Variants in MYT1L observed in about 807,000 individuals in gnomAD.
MYT1L encodes the protein myelin transcription factor 1 like.
Under a neutral mutation model 126.7 loss-of-function variants are expected in MYT1L, and 12 were observed. The ratio of observed to expected loss-of-function variants is 0.09; its 90% CI spans 0.06 to 0.15. The LOEUF is 0.15. Among genes scored for constraint, MYT1L ranks in the 10% least tolerant of loss-of-function variants. The pLI, the probability that MYT1L is intolerant of heterozygous loss-of-function variation, is 1.00. For missense variants in MYT1L, 979 were observed against 1,585.2 expected (o/e 0.62, Z 6.49); for synonymous variants, 541 against 604.2 (o/e 0.90, Z 1.53).
intron 23 of MYT1L, 33 bp from the exon 24 acceptor site, chr2:1,792,497 C>T (rs755797259): frequency 6.2e-7 from 1 of 1,601,398 alleles, no homozygotes; most frequent in Admixed American, 1.7e-5. Context: ...ACATGTAACA[C>T]CAGGAGGACC....
At chr2:2,298,079 T>G (rs1215402567) in intron 1 of MYT1L, among the ~76,000 whole-genome samples, 3 of 152,242 alleles carry the variant, frequency 2.0e-5, no homozygotes, top group African/African-American at 7.2e-5. Flanking sequence ...AAAGCTATGC[T>G]GTGAGGACCA....
At chr2:2,028,147 C>T (rs1182053000) in intron 4 of MYT1L, among the ~76,000 whole-genome samples, 1 of 152,274 alleles carries the variant, frequency 6.6e-6, no homozygotes, top group African/African-American at 2.4e-5. Context: ...AGAGCAGATG[C>T]TGGAAGAATG....
rs200970595 is a variant in MYT1L, at chr2:2,295,689, G to C, written c.-520-11186C>G. Among the ~76,000 whole-genome samples the C allele has an allele frequency of 4.6e-3, 315 of 68,760 alleles. 8 individuals carry two copies. Among genetic ancestry groups the C allele is most frequent in the South Asian group, 0.016 (23 of 1,456 alleles). The allele number at this position is 68,760 out of a possible 152,430, so 45.1% of individuals were successfully genotyped here. ...AGAGAGAGAGAGAGAGACAGACAGAGAGAGAGAGAGAGAGACAGACAGACA... is the reference window on the plus strand; with the variant it reads ...AGAGAGAGAGAGAGAGACAGACAGACAGAGAGAGAGAGAGACAGACAGACA... On this transcript the variant is annotated intron_variant, in intron 1 of 24. Coordinates refer to ENST00000647738, the MANE Select transcript of MYT1L (RefSeq NM_001303052.2).
In MYT1L at chr2:1,793,282, C is replaced by G. The variant is rs1335394896; in HGVS notation, c.3277-818G>C. ...AGGTCAAGGGGCTTGAGTTCAGGGC[C>G]TCTGCCTATAACCGCACAGGACTAG... On this transcript the variant is annotated intron_variant, in intron 23 of 24. Transcript: ENST00000647738. The surrounding 1 kb of genome is among the most constrained non-coding windows in gnomAD (Gnocchi z 4.6). 6.6e-6 allele frequency among the ~76,000 whole-genome samples: 1 copy of G among 152,222 alleles called. No individual in the cohort carries two copies.
At chr2:1,927,780 C>G (rs1405142047) in intron 9 of MYT1L, among the ~76,000 whole-genome samples, 1 of 152,174 alleles carries the variant, frequency 6.6e-6, no homozygotes, top group Non-Finnish European at 1.5e-5. Flanking sequence ...CCACTGCTTT[C>G]TATGGCTTTA....
intron 1 of MYT1L, among the ~76,000 whole-genome samples, chr2:2,297,201 T>C (rs910687511): frequency 6.6e-6 from 1 of 152,228 alleles, no homozygotes; most frequent in African/African-American, 2.4e-5. Context: ...GCTCTGAGTC[T>C]CTGCTTCCAA....
At chr2:2,114,011 A>C (rs1456478955) in intron 3 of MYT1L, among the ~76,000 whole-genome samples, 1 of 152,102 alleles carries the variant, frequency 6.6e-6, no homozygotes, top group Non-Finnish European at 1.5e-5. Flanking sequence ...TAGTTATGAA[A>C]ACATTACTGC....
chr2:2,217,120 T>G (rs1053583686), intron 2 of MYT1L, among the ~76,000 whole-genome samples: 1 of 152,208 alleles, frequency 6.6e-6, no homozygotes, highest in African/African-American at 2.4e-5. Context: ...ATACAAATTC[T>G]TTCAGAAAAT....
intron 5 of MYT1L, among the ~76,000 whole-genome samples, chr2:1,993,651 A>G (rs2061607244): frequency 6.6e-6 from 1 of 152,258 alleles, no homozygotes; most frequent in Admixed American, 6.5e-5. Context: ...AATAATTTAC[A>G]AAAATGATTA....
chr2:2,230,278 G>A (rs533415306), intron 2 of MYT1L, among the ~76,000 whole-genome samples: 5 of 152,318 alleles, frequency 3.3e-5, no homozygotes, highest in South Asian at 2.1e-4. Flanking sequence ...CAAAGTGCTC[G>A]GTGAACTCAT....
intron 5 of MYT1L, among the ~76,000 whole-genome samples, chr2:1,986,955 C>T (rs1439927412): frequency 6.6e-6 from 1 of 152,198 alleles, no homozygotes; most frequent in African/African-American, 2.4e-5. Flanking sequence ...TCAGAGGAAA[C>T]ATCAAGTCAG....
chr2:1,987,319 GT>G (rs1035573294), intron 5 of MYT1L, among the ~76,000 whole-genome samples: 2,561 of 143,526 alleles, frequency 0.018, 68 homozygotes, highest in African/African-American at 0.059. Flanking sequence ...TGTTTTTTTT[GT>G]TTTTTTTTTT....
At chr2:2,220,029 G>A (rs781262919) in intron 2 of MYT1L, among the ~76,000 whole-genome samples, 16 of 152,164 alleles carry the variant, frequency 1.1e-4, no homozygotes, top group South Asian at 2.1e-4. Context: ...GGGGAAAAGC[G>A]CATTTGCACA....
chr2:1,863,589 T>G (rs2045012267), intron 18 of MYT1L, among the ~76,000 whole-genome samples: 1 of 151,878 alleles, frequency 6.6e-6, no homozygotes, highest in Non-Finnish European at 1.5e-5. Context: ...AAACGGCATG[T>G]CCCACTCCAG....
At chr2:2,225,311 C>T (rs972834221) in intron 2 of MYT1L, among the ~76,000 whole-genome samples, 2 of 152,142 alleles carry the variant, frequency 1.3e-5, no homozygotes, top group Non-Finnish European at 2.9e-5. Context: ...GTTGGCCTCC[C>T]GCTGTCCCCT....
intron 3 of MYT1L, among the ~76,000 whole-genome samples, chr2:2,137,244 C>T (rs567013611): frequency 6.6e-6 from 1 of 152,104 alleles, no homozygotes; most frequent in Non-Finnish European, 1.5e-5. Context: ...GAATCAATAT[C>T]GTGAAAATGG....
chr2:2,131,526 T>C (rs2082346978), intron 3 of MYT1L, among the ~76,000 whole-genome samples: 1 of 152,196 alleles, frequency 6.6e-6, no homozygotes, highest in Non-Finnish European at 1.5e-5. Context: ...TGCCCACCAT[T>C]AGCCTTTGGA....
intron 3 of MYT1L, among the ~76,000 whole-genome samples, chr2:2,073,811 T>A (rs1320004206): frequency 6.6e-6 from 1 of 152,158 alleles, no homozygotes; most frequent in East Asian, 1.9e-4. Context: ...TCTTCAACAC[T>A]TAGCTTAGGT....
chr2:2,302,077 T>C (rs747427690), intron 1 of MYT1L, among the ~76,000 whole-genome samples: 2 of 152,182 alleles, frequency 1.3e-5, no homozygotes, highest in Non-Finnish European at 2.9e-5. Flanking sequence ...TGGGCTAATA[T>C]TGCCATGATC....
Sources: gnomAD v4.1 joint callset for allele counts (sites outside exome capture counted in the v4.1 genomes callset) on GRCh38, gnomAD v4.1.1 for gene constraint, Gnocchi (gnomAD v3.1) non-coding constraint, MANE v1.5 for transcripts, NCBI Gene and HGNC (gene_info 2026-07-23, HGNC 2026-07-21) for gene names.